Variants in MAP2K6 observed in about 807,000 individuals in gnomAD.
The protein encoded by MAP2K6 is mitogen-activated protein kinase kinase 6, also known as dual specificity mitogen-activated protein kinase kinase 6.
A neutral mutation model predicts 53.7 loss-of-function variants in MAP2K6; 16 were observed. That is an observed-to-expected ratio of 0.30 (90% CI 0.20 to 0.45). The LOEUF (loss-of-function observed/expected upper bound fraction) is 0.45. MAP2K6 is among the 20% of genes least tolerant of loss of function. MAP2K6 has a pLI of 1.00. For synonymous variants in MAP2K6, 132 were observed against 143.1 expected (o/e 0.92, Z 0.55); for missense variants, 204 against 411.9 (o/e 0.50, Z 4.37).
chr17:69,431,720 G>A (rs560977105), intron 1 of MAP2K6, among the ~76,000 whole-genome samples: 21 of 152,140 alleles, frequency 1.4e-4, no homozygotes, highest in African/African-American at 5.1e-4. Context: ...TTTTCTCTGA[G>A]GGTCTTCTCT....
chr17:69,530,402 A>G (rs935735519), intron 10 of MAP2K6, among the ~76,000 whole-genome samples: 4 of 152,220 alleles, frequency 2.6e-5, no homozygotes, highest in African/African-American at 4.8e-5. Flanking sequence ...AAATCACTTT[A>G]CCCTAGAAGT....
intron 1 of MAP2K6, among the ~76,000 whole-genome samples, chr17:69,496,261 G>A (rs34521206): frequency 0.16 from 23,195 of 147,802 alleles, 1,970 homozygotes; most frequent in Middle Eastern, 0.23. Flanking sequence ...AGCTTGGCTG[G>A]CTGCCTTCCC....
At chr17:69,417,874 A>G (rs1201472489) in intron 1 of MAP2K6, among the ~76,000 whole-genome samples, 2 of 152,228 alleles carry the variant, frequency 1.3e-5, no homozygotes, top group African/African-American at 4.8e-5. Flanking sequence ...GTTAAAATAC[A>G]CTTTTCTCAC....
intron 1 of MAP2K6, among the ~76,000 whole-genome samples, chr17:69,499,625 T>A (rs1598292059): frequency 6.6e-6 from 1 of 152,206 alleles, no homozygotes; most frequent in Admixed American, 6.5e-5. Flanking sequence ...GAGAAAAGAA[T>A]AACAAACATT....
intron 2 of MAP2K6, among the ~76,000 whole-genome samples, chr17:69,512,804 C>T (rs183925555): frequency 3.0e-4 from 46 of 152,284 alleles, no homozygotes; most frequent in African/African-American, 1.1e-3. Flanking sequence ...AATGGTCTCA[C>T]GCAGTCTCTT....
intron 1 of MAP2K6, among the ~76,000 whole-genome samples, chr17:69,464,814 C>T (rs557878840): frequency 2.0e-4 from 30 of 152,238 alleles, no homozygotes; most frequent in African/African-American, 7.2e-4. Flanking sequence ...CTCCCGGGTT[C>T]AAGCAATTCT....
chr17:69,415,985 G>T (rs1183102357), intron 1 of MAP2K6, among the ~76,000 whole-genome samples: 1 of 152,136 alleles, frequency 6.6e-6, no homozygotes, highest in African/African-American at 2.4e-5. Context: ...ACATCAAAGA[G>T]CAGACTAGGT....
intron 10 of MAP2K6, among the ~76,000 whole-genome samples, chr17:69,530,495 A>G (rs1231757209): frequency 6.6e-6 from 1 of 152,208 alleles, no homozygotes; most frequent in Non-Finnish European, 1.5e-5. Flanking sequence ...TCAGTTGTCT[A>G]AAATAGTCAT....
At chr17:69,469,687 T>C (rs1358589750) in intron 1 of MAP2K6, among the ~76,000 whole-genome samples, 1 of 151,796 alleles carries the variant, frequency 6.6e-6, no homozygotes, top group African/African-American at 2.4e-5. Flanking sequence ...TGCTTGAACC[T>C]GGGAAGCAGA....
intron 4 of MAP2K6, among the ~76,000 whole-genome samples, chr17:69,517,949 G>C (rs1048224777): frequency 6.6e-6 from 1 of 152,138 alleles, no homozygotes; most frequent in East Asian, 1.9e-4. Flanking sequence ...CTAGCAGTTT[G>C]GGAGGCCAAG....
rs1226093968 is a variant in MAP2K6, at chr17:69,552,505, A to G, written c.*10752A>G. The stretch of plus-strand genomic sequence containing the variant: ...TTGTGAATGAGGCAGGCTGAACTGT[A>G]GAGCATGAAACTCATTAGAAGTTTA... On this transcript the variant is annotated 3_prime_UTR_variant, in exon 12 of 12. Transcript: ENST00000590474. 3 of 152,212 alleles carry G rather than the reference A, an allele frequency of 2.0e-5. No homozygotes were observed. The highest frequency in any genetic ancestry group is 1.3e-4 in the Admixed American group (2 of 15,272). 9.4% of individuals were successfully genotyped at this position (152,212 alleles called of 1,614,324 possible). A position where few individuals can be genotyped will look rare whatever the true frequency, so the allele number is the denominator to read the frequency against.
At chr17:69,453,720 A>AT (rs1328378468) in intron 1 of MAP2K6, among the ~76,000 whole-genome samples, 8 of 152,146 alleles carry the variant, frequency 5.3e-5, no homozygotes, top group African/African-American at 1.7e-4. Flanking sequence ...CAATTTAGCA[A>AT]TTTTTGTCTT....
intron 9 of MAP2K6, among the ~76,000 whole-genome samples, chr17:69,525,780 G>C (rs1910740016): frequency 6.6e-6 from 1 of 152,198 alleles, no homozygotes; most frequent in Admixed American, 6.5e-5. Context: ...AATTATGGGA[G>C]CTACAATTCA....
intron 10 of MAP2K6, among the ~76,000 whole-genome samples, chr17:69,529,987 C>G (rs976795695): frequency 2.0e-5 from 3 of 152,142 alleles, no homozygotes; most frequent in Non-Finnish European, 2.9e-5. Context: ...TTAATCCCAG[C>G]TACCACAGTT....
At chr17:69,495,322 A>G (rs910280248) in intron 1 of MAP2K6, among the ~76,000 whole-genome samples, 3 of 151,138 alleles carry the variant, frequency 2.0e-5, no homozygotes, top group African/African-American at 7.3e-5. Context: ...CACTGCCTCC[A>G]CCTTCCAGGT....
rs1298548760 is a variant in MAP2K6, at chr17:69,516,876, C to T, written c.105C>T (p.Ser35=). ...TSSTPPRDLD[S]KACISIGNQN... is the part of the protein sequence containing the mutation. ...TTAGACCACCTCGAGATTTAGACTC[C>T]AAGGCTTGCATTTCTATTGGAAATC... Residue 35 remains serine (S), a synonymous_variant, in exon 3 of 12, where the codon TCC becomes TCT. Transcript: ENST00000590474. The T allele has an allele frequency of 7.5e-6, 12 of 1,597,604 alleles. No homozygotes were observed. Among genetic ancestry groups the T allele is most frequent in the Non-Finnish European group, 1.0e-5 (12 of 1,166,156 alleles).
chr17:69,543,201 TTTGGACA>T lies in MAP2K6; in HGVS notation c.*1449_*1455del, dbSNP rs1911726322. On this transcript the variant is annotated 3_prime_UTR_variant, in exon 12 of 12. Transcript: ENST00000590474. ...TGATAAATAACCAGGAAGCATTGCTTTTGGACAAGGAAGGACAGAGGGTTTTGATTTT... is the reference window on the plus strand; with the variant it reads ...TGATAAATAACCAGGAAGCATTGCTTAGGAAGGACAGAGGGTTTTGATTTT... 6.6e-6 allele frequency: 1 copy of T among 152,114 alleles called. No homozygotes were observed. Among genetic ancestry groups the T allele is most frequent in the African/African-American group, 2.4e-5 (1 of 41,418 alleles). 9.4% of individuals were successfully genotyped at this position (152,114 alleles called of 1,614,324 possible).
At chr17:69,450,537 C>T (rs1054203723) in intron 1 of MAP2K6, among the ~76,000 whole-genome samples, 2 of 152,146 alleles carry the variant, frequency 1.3e-5, no homozygotes, top group African/African-American at 2.4e-5. Flanking sequence ...AGAGGTCATG[C>T]CCTGTCCCAG....
intron 10 of MAP2K6, among the ~76,000 whole-genome samples, chr17:69,532,971 C>G (rs954766728): frequency 2.0e-5 from 3 of 152,056 alleles, no homozygotes; most frequent in African/African-American, 7.3e-5. Flanking sequence ...CCCTGTTGCC[C>G]AGGCTGGAGT....
Sources: gnomAD v4.1 joint callset for allele counts (sites outside exome capture counted in the v4.1 genomes callset) on GRCh38, gnomAD v4.1.1 for gene constraint, MANE v1.5 for transcripts, NCBI Gene and HGNC (gene_info 2026-07-23, HGNC 2026-07-21) for gene names.